SLC9B1: variants seen among roughly 807,000 people sequenced by gnomAD.
SLC9B1 encodes the protein sodium/hydrogen exchanger 9B1.
Under a neutral mutation model 51.7 loss-of-function variants are expected in SLC9B1, and 32 were observed. The observed-to-expected ratio is 0.62, with a 90% CI of 0.47 to 0.83. The LOEUF (loss-of-function observed/expected upper bound fraction) is 0.83, where lower values mean the gene tolerates loss of function less well. Among genes scored for constraint, SLC9B1 ranks in the 40% least tolerant of loss-of-function variants. The pLI, the probability that SLC9B1 is intolerant of heterozygous loss-of-function variation, is 0.00. For missense variants in SLC9B1, 406 were observed against 613.2 expected, an observed-to-expected ratio of 0.66 and a Z score of 3.57; for synonymous variants, 145 against 212.7, an observed-to-expected ratio of 0.68 and a Z score of 2.77.
chr4:102,924,667 G>C (rs2110448842), intron 7 of SLC9B1, among the ~76,000 whole-genome samples: 1 of 152,158 alleles, frequency 6.6e-6, no homozygotes, highest in South Asian at 2.1e-4. Context: ...ATCTGACAAA[G>C]GGCTAATATC....
chr4:102,907,344 C>A (rs1168741408), intron 9 of SLC9B1, among the ~76,000 whole-genome samples: 1 of 151,282 alleles, frequency 6.6e-6, no homozygotes, highest in Non-Finnish European at 1.5e-5. Context: ...TTGGGAAGCC[C>A]TCCACTAACA....
chr4:102,974,254 A>AAAAAAAAG (rs1738936820), intron 3 of SLC9B1, among the ~76,000 whole-genome samples: 1 of 147,028 alleles, frequency 6.8e-6, no homozygotes. Context: ...AAAAAAAAAA[A>AAAAAAAAG]AAAAAAAAAA....
intron 3 of SLC9B1, chr4:102,962,452 G>A (rs1738188071): frequency 9.7e-6 from 5 of 512,846 alleles, no homozygotes; most frequent in Middle Eastern, 3.5e-4. Flanking sequence ...AGAAAATACA[G>A]AGCATTTTTG....
intron 7 of SLC9B1, among the ~76,000 whole-genome samples, chr4:102,930,358 A>T (rs185942130): frequency 6.6e-6 from 1 of 152,344 alleles, no homozygotes; most frequent in East Asian, 1.9e-4. Context: ...TTTAAGCTTA[A>T]GAAAATATGA....
intron 7 of SLC9B1, among the ~76,000 whole-genome samples, chr4:102,926,083 G>A (rs1453440920): frequency 1.3e-5 from 2 of 152,304 alleles, no homozygotes; most frequent in Non-Finnish European, 2.9e-5. Flanking sequence ...ACTAGGTATT[G>A]ATGGGACGTA....
chr4:102,907,303 T>A (rs939318310), intron 9 of SLC9B1, among the ~76,000 whole-genome samples: 5 of 152,116 alleles, frequency 3.3e-5, no homozygotes, highest in Non-Finnish European at 5.9e-5. Context: ...CATACCCAGT[T>A]CATGCAAACA....
At chr4:102,986,437 T>C (rs2110514786) in intron 3 of SLC9B1, among the ~76,000 whole-genome samples, 1 of 152,302 alleles carries the variant, frequency 6.6e-6, no homozygotes, top group South Asian at 2.1e-4. Flanking sequence ...GAATATGATA[T>C]GGCTAGGTGT....
intron 3 of SLC9B1, among the ~76,000 whole-genome samples, chr4:102,951,625 GACATGGCTGAAGAGAGA>G (rs1322607336): frequency 6.6e-6 from 1 of 151,174 alleles, no homozygotes; most frequent in Non-Finnish European, 1.5e-5. Context: ...CAGCAGTCTA[GACATGGCTGAAGAGAGA>G]ACACAGCAAA....
intron 6 of SLC9B1, among the ~76,000 whole-genome samples, chr4:102,944,851 A>G (rs980182272): frequency 7.2e-5 from 11 of 152,168 alleles, no homozygotes; most frequent in Non-Finnish European, 1.2e-4. Context: ...ATATATACAC[A>G]TACATATATA....
At chr4:102,914,250 G>A (rs1399842279) in intron 7 of SLC9B1, among the ~76,000 whole-genome samples, 1 of 128,318 alleles carries the variant, frequency 7.8e-6, no homozygotes, top group Non-Finnish European at 1.6e-5. Context: ...CCAGTGCAGG[G>A]TCTGCAAAAT....
chr4:102,937,228 AAGTAGCTGGGACTAC>A (rs772670741), intron 6 of SLC9B1, among the ~76,000 whole-genome samples: 37 of 151,252 alleles, frequency 2.4e-4, no homozygotes, highest in Non-Finnish European at 4.9e-4. Flanking sequence ...TCAGCCTCCC[AAGTAGCTGGGACTAC>A]AGGTGCGCAC....
chr4:102,918,097 A>AG (rs1254328972), intron 7 of SLC9B1, among the ~76,000 whole-genome samples: 4 of 31,720 alleles, frequency 1.3e-4, no homozygotes, highest in Non-Finnish European at 2.2e-4. Flanking sequence ...AAGGCTAGAG[A>AG]AAAAAAAAAC....
chr4:103,007,138 GAGAA>G (rs1740829614), intron 1 of SLC9B1, among the ~76,000 whole-genome samples: 1 of 152,150 alleles, frequency 6.6e-6, no homozygotes. Flanking sequence ...AATCAGGCAG[GAGAA>G]AGAAAGAAAA....
exon 12 of SLC9B1, chr4:102,885,072 GTTAT>G: frequency 1.4e-6 from 1 of 705,712 alleles, no homozygotes; most frequent in South Asian, 1.5e-5. Context: ...GCTTTATTGT[GTTAT>G]TTATTCACAG....
At chr4:102,892,912 C>T (rs2088458601) in intron 11 of SLC9B1, 1 of 152,018 alleles carries the variant, frequency 6.6e-6, no homozygotes, top group South Asian at 2.1e-4. Flanking sequence ...AATTAAGAAA[C>T]TCAAAACTCA....
intron 3 of SLC9B1, among the ~76,000 whole-genome samples, chr4:102,980,682 C>A (rs929688444): frequency 3.9e-5 from 6 of 152,070 alleles, no homozygotes; most frequent in Admixed American, 2.0e-4. Flanking sequence ...CACCATCGCA[C>A]ATGTTTACCC....
intron 1 of SLC9B1, among the ~76,000 whole-genome samples, chr4:102,994,857 G>C (rs921411042): frequency 6.6e-6 from 1 of 152,108 alleles, no homozygotes; most frequent in African/African-American, 2.4e-5. Context: ...GAACAGCATG[G>C]GGAAACCACC....
chr4:102,934,852 A>G (rs953599696), intron 6 of SLC9B1, among the ~76,000 whole-genome samples: 4 of 152,162 alleles, frequency 2.6e-5, no homozygotes, highest in Non-Finnish European at 5.9e-5. Flanking sequence ...AAGGCATTAG[A>G]CATAAAAAGA....
chr4:102,931,817 C>T (rs1374242230), intron 7 of SLC9B1, among the ~76,000 whole-genome samples: 3 of 152,046 alleles, frequency 2.0e-5, no homozygotes, highest in South Asian at 2.1e-4. Context: ...CAAATAATAC[C>T]GCTGAATTTT....
Sources: allele counts gnomAD v4.1 joint callset (sites outside exome capture counted in the v4.1 genomes callset), GRCh38; gene constraint gnomAD v4.1.1; transcripts MANE v1.5; gene names NCBI Gene and HGNC (gene_info 2026-07-23, HGNC 2026-07-21).